The following CFAP95 variants were observed in gnomAD, a reference collection of about 807,000 sequenced individuals.
The protein encoded by CFAP95 is cilia and flagella associated protein 95, also known as cilia- and flagella-associated protein 95.
chr9:69,855,711 C>A, the CFAP95 span, among the ~76,000 whole-genome samples: 187 of 152,210 alleles, frequency 1.2e-3, 1 homozygote, highest in Non-Finnish European at 2.4e-3. Context: ...GGCTAGACTC[C>A]TGGTTATAGA....
the CFAP95 span, among the ~76,000 whole-genome samples, chr9:69,840,550 C>G: frequency 2.6e-5 from 4 of 152,130 alleles, no homozygotes; most frequent in African/African-American, 9.7e-5. Context: ...GGCCACTGTT[C>G]CCCTAACATA....
the CFAP95 span, among the ~76,000 whole-genome samples, chr9:69,860,707 T>C: frequency 6.6e-6 from 1 of 152,102 alleles, no homozygotes; most frequent in Non-Finnish European, 1.5e-5. Context: ...TATATCCCTA[T>C]TCTGTAAGCT....
the CFAP95 span, among the ~76,000 whole-genome samples, chr9:69,847,010 T>C: frequency 2.0e-5 from 3 of 152,186 alleles, no homozygotes; most frequent in South Asian, 2.1e-4. Context: ...TTAATATGTA[T>C]GTCCTGGAAT....
chr9:69,869,709 G>A, the CFAP95 span, among the ~76,000 whole-genome samples: 110 of 149,780 alleles, frequency 7.3e-4, 5 homozygotes, highest in East Asian at 2.2e-3. Flanking sequence ...TATGTCATGC[G>A]CTTTAAAGAT....
At chr9:69,821,215 T>C in the CFAP95 span, among the ~76,000 whole-genome samples, 1 of 143,366 alleles carries the variant, frequency 7.0e-6, no homozygotes, top group Non-Finnish European at 1.5e-5. Context: ...AGAAGAAAGG[T>C]GAGAAAAAGA....
At chr9:69,869,828 C>A in the CFAP95 span, among the ~76,000 whole-genome samples, 26 of 151,772 alleles carry the variant, frequency 1.7e-4, no homozygotes, top group African/African-American at 6.3e-4. Context: ...TTCCTTTAAT[C>A]CCATGTATAT....
the CFAP95 span, among the ~76,000 whole-genome samples, chr9:69,828,727 G>A: frequency 1.2e-4 from 19 of 152,170 alleles, no homozygotes; most frequent in Admixed American, 6.5e-4. Flanking sequence ...GAGTCTATAT[G>A]CACTGAAAAG....
At chr9:69,884,473 C>T in the CFAP95 span, 1 of 152,266 alleles carries the variant, frequency 6.6e-6, no homozygotes, top group Non-Finnish European at 1.5e-5. Flanking sequence ...GGCTGGTTCA[C>T]CCCTCCTTAG....
the CFAP95 span, among the ~76,000 whole-genome samples, chr9:69,894,740 C>A: frequency 6.6e-6 from 1 of 152,126 alleles, no homozygotes; most frequent in African/African-American, 2.4e-5. Flanking sequence ...ATACTCCAAC[C>A]TTTGTAGGCC....
the CFAP95 span, chr9:69,906,098 CTCTA>C: frequency 3.7e-6 from 6 of 1,611,494 alleles, no homozygotes; most frequent in African/African-American, 8.0e-5. Context: ...AAAACAGAAA[CTCTA>C]TCCCTTGACT....
At chr9:69,832,363 G>A in the CFAP95 span, among the ~76,000 whole-genome samples, 3 of 152,170 alleles carry the variant, frequency 2.0e-5, no homozygotes, top group Non-Finnish European at 4.4e-5. Flanking sequence ...ATAAACATAA[G>A]TAATTTGGAA....
At chr9:69,888,667 G>A in the CFAP95 span, among the ~76,000 whole-genome samples, 1,343 of 152,272 alleles carry the variant, frequency 8.8e-3, 21 homozygotes, top group African/African-American at 0.03. Flanking sequence ...CTTGAGGTCA[G>A]ACATTTGCAA....
At chr9:69,850,758 G>T in the CFAP95 span, among the ~76,000 whole-genome samples, 1 of 152,202 alleles carries the variant, frequency 6.6e-6, no homozygotes, top group African/African-American at 2.4e-5. Context: ...TGTTGAGCTA[G>T]GGTCTCTTCT....
the CFAP95 span, among the ~76,000 whole-genome samples, chr9:69,863,287 C>T: frequency 1.3e-5 from 2 of 152,108 alleles, no homozygotes; most frequent in African/African-American, 2.4e-5. Flanking sequence ...GTTAATAATA[C>T]AGATGCACGT....
At chr9:69,884,276 A>T in the CFAP95 span, 1 of 152,282 alleles carries the variant, frequency 6.6e-6, no homozygotes, top group Non-Finnish European at 1.5e-5. Flanking sequence ...GATCATTAAA[A>T]ATTGTTTTTA....
the CFAP95 span, chr9:69,821,011 G>A: frequency 1.2e-6 from 2 of 1,613,768 alleles, no homozygotes; most frequent in South Asian, 2.2e-5. Context: ...AATACTCGAA[G>A]CCGGTGTTGG....
chr9:69,855,685 A>C, the CFAP95 span, among the ~76,000 whole-genome samples: 177 of 152,316 alleles, frequency 1.2e-3, no homozygotes, highest in Non-Finnish European at 2.0e-3. Flanking sequence ...AGACTTAATC[A>C]AAATGGTTTT....
the CFAP95 span, among the ~76,000 whole-genome samples, chr9:69,868,785 G>A: frequency 6.7e-6 from 1 of 148,412 alleles, no homozygotes; most frequent in African/African-American, 2.5e-5. Context: ...AAATTTACAA[G>A]GAACTCATAC....
chr9:69,855,485 G>A, the CFAP95 span, among the ~76,000 whole-genome samples: 1 of 152,148 alleles, frequency 6.6e-6, no homozygotes, highest in South Asian at 2.1e-4. Flanking sequence ...ACCCAATGTA[G>A]TGTCCCCTAC....
Sources: gnomAD v4.1 joint callset for allele counts (sites outside exome capture counted in the v4.1 genomes callset) on GRCh38, gnomAD v4.1.1 for gene constraint, MANE v1.5 for transcripts, NCBI Gene and HGNC (gene_info 2026-07-23, HGNC 2026-07-21) for gene names.